SAMSN1: variants seen among roughly 807,000 people sequenced by gnomAD.
The protein encoded by SAMSN1 is SAM domain-containing protein SAMSN-1.
SAMSN1 carries 31 observed loss-of-function variants against 42.0 expected under a neutral mutation model. That is an observed-to-expected ratio of 0.74 (90% CI 0.55 to 1.00). The LOEUF (loss-of-function observed/expected upper bound fraction) is 1.00. Among genes scored for constraint, SAMSN1 ranks in the 50% least tolerant of loss-of-function variants. The pLI, the probability that SAMSN1 is intolerant of heterozygous loss-of-function variation, is 0.00. For missense variants in SAMSN1, 464 were observed against 439.4 expected, an observed-to-expected ratio of 1.06 and a Z score of -0.50; for synonymous variants, 178 against 151.9, an observed-to-expected ratio of 1.17 and a Z score of -1.26.
At chr21:14,637,924 G>T (rs1983505323) in intron 2 of SAMSN1, among the ~76,000 whole-genome samples, 2 of 152,148 alleles carry the variant, frequency 1.3e-5, no homozygotes, top group African/African-American at 4.8e-5. Context: ...TGGTGAGATG[G>T]CACTGTTTGT....
At chr21:14,525,558 T>C (rs536371702) in intron 1 of SAMSN1, among the ~76,000 whole-genome samples, 2 of 152,236 alleles carry the variant, frequency 1.3e-5, no homozygotes, top group South Asian at 4.1e-4. Context: ...ACCAAAAACA[T>C]CAAAAGACAA....
At chr21:14,633,464 G>A (rs550494176) in intron 2 of SAMSN1, among the ~76,000 whole-genome samples, 1 of 152,148 alleles carries the variant, frequency 6.6e-6, no homozygotes, top group Non-Finnish European at 1.5e-5. Context: ...GTAAAAACTG[G>A]GTTCTGGATT....
At chr21:14,548,477 C>T (rs1205835276), upstream of SAMSN1, among the ~76,000 whole-genome samples, 2 of 152,028 alleles carry the variant, frequency 1.3e-5, no homozygotes, top group African/African-American at 2.4e-5. Context: ...TTTTTAAAAG[C>T]GTTATACTCA....
chr21:14,634,200 A>G (rs974062718), intron 2 of SAMSN1, among the ~76,000 whole-genome samples: 2 of 64,646 alleles, frequency 3.1e-5, no homozygotes, highest in Non-Finnish European at 9.1e-5. Context: ...ACCCAAAACT[A>G]TAAAAAAAAC....
chr21:14,639,060 A>C (rs996323955), intron 2 of SAMSN1, among the ~76,000 whole-genome samples: 1 of 152,240 alleles, frequency 6.6e-6, no homozygotes, highest in Non-Finnish European at 1.5e-5. Context: ...CACATTTTTT[A>C]AAAGGCTCAA....
At chr21:14,657,963 C>T (rs1983942612) in intron 1 of SAMSN1, among the ~76,000 whole-genome samples, 1 of 151,722 alleles carries the variant, frequency 6.6e-6, no homozygotes, top group Admixed American at 6.6e-5. Flanking sequence ...CAGAACTAGG[C>T]CATCTTACTT....
intron 2 of SAMSN1, among the ~76,000 whole-genome samples, chr21:14,642,843 T>TA (rs1184879215): frequency 6.6e-6 from 1 of 151,598 alleles, no homozygotes; most frequent in Non-Finnish European, 1.5e-5. Flanking sequence ...GCCAAAATCA[T>TA]AAAAAAGACA....
intron 1 of SAMSN1, among the ~76,000 whole-genome samples, chr21:14,648,161 A>G (rs1568843057): frequency 6.6e-6 from 1 of 152,026 alleles, no homozygotes; most frequent in African/African-American, 2.4e-5. Flanking sequence ...AATACATCCC[A>G]TCAATACCTA....
chr21:14,569,993 C>G (rs565687522), intron 2 of SAMSN1, among the ~76,000 whole-genome samples: 13 of 151,982 alleles, frequency 8.6e-5, no homozygotes, highest in Admixed American at 3.9e-4. Flanking sequence ...TTCCCCCCCC[C>G]CAGTTTTTCA....
chr21:14,537,813 T>G (rs1412860519), intron 1 of SAMSN1, among the ~76,000 whole-genome samples: 1 of 152,182 alleles, frequency 6.6e-6, no homozygotes, highest in East Asian at 1.9e-4. Context: ...AACTGCTGAG[T>G]ATCTTGTTAA....
upstream of SAMSN1, among the ~76,000 whole-genome samples, chr21:14,585,937 A>G (rs1981902200): frequency 6.6e-6 from 1 of 152,128 alleles, no homozygotes. Context: ...GTATAGAATC[A>G]TTACAACTAT....
chr21:14,562,534 A>G lies in SAMSN1; in HGVS notation c.261+19602T>C, dbSNP rs201316928. 4.0e-5 allele frequency among the ~76,000 whole-genome samples: 6 copies of G among 149,486 alleles called. No individual in the cohort carries two copies. The East Asian group carries it at 9.7e-4, about 24-fold the overall frequency. ...AATACTAATACTATCTATACTATAT[A>G]TATTTATATATATGTATGTATATAA... On this transcript the variant is annotated intron_variant, in intron 2 of 8. Coordinates refer to the SAMSN1 transcript ENST00000285670.
chr21:14,583,752 C>T (rs1395539171), upstream of SAMSN1: 6 of 717,916 alleles, frequency 8.4e-6, no homozygotes, highest in South Asian at 1.5e-5. Context: ...ATTGATTCCA[C>T]AGGGTCACTG....
chr21:14,498,409 C>T, intron 7 of SAMSN1, 33 bp downstream of exon 7: 4 of 1,567,626 alleles, frequency 2.6e-6, no homozygotes, highest in Non-Finnish European at 3.4e-6. Context: ...AACTGATTAT[C>T]AGCTGGGGAG....
chr21:14,504,048 G>A (rs1987031), intron 5 of SAMSN1, among the ~76,000 whole-genome samples: 44,725 of 152,024 alleles, frequency 0.29, 9,750 homozygotes, highest in African/African-American at 0.62. Flanking sequence ...TCCATAGGAA[G>A]AGGGGGAGAG....
chr21:14,527,580 CT>C lies in SAMSN1; in HGVS notation c.58-6360del, dbSNP rs1385138462. On this transcript the variant is annotated intron_variant, in intron 1 of 7. Transcript: ENST00000400566. The stretch of plus-strand genomic sequence containing the variant: ...CTATTCTATCTCTCTGGTTCAGTAA[CT>C]TTTCTATCAACTGCAAAATAGCTTC... 2.0e-5 allele frequency among the ~76,000 whole-genome samples: 3 copies of C among 152,156 alleles called. No individual in the cohort carries two copies. The East Asian group carries it at 5.8e-4, about 29-fold the overall frequency.
At chr21:14,534,601 C>T (rs865999407) in intron 1 of SAMSN1, among the ~76,000 whole-genome samples, 3 of 151,738 alleles carry the variant, frequency 2.0e-5, no homozygotes, top group Non-Finnish European at 2.9e-5. Flanking sequence ...CTGCAAGCTC[C>T]GCCTCCCGGG....
intron 1 of SAMSN1, among the ~76,000 whole-genome samples, chr21:14,531,473 C>CT (rs967064075): frequency 4.0e-4 from 59 of 148,526 alleles, no homozygotes; most frequent in Admixed American, 1.9e-3. Context: ...TAGATGTAAG[C>CT]TTTTTTTTTT....
At chr21:14,588,994 T>A (rs1226183364) in intron 7 of SAMSN1, among the ~76,000 whole-genome samples, 2 of 152,196 alleles carry the variant, frequency 1.3e-5, no homozygotes, top group African/African-American at 4.8e-5. Flanking sequence ...TACTATGTAT[T>A]TCATATATTT....
Sources: gnomAD v4.1 joint callset for allele counts (sites outside exome capture counted in the v4.1 genomes callset) on GRCh38, gnomAD v4.1.1 for gene constraint, MANE v1.5 for transcripts, NCBI Gene and HGNC (gene_info 2026-07-23, HGNC 2026-07-21) for gene names.